Variants in SERTAD1 observed in about 807,000 individuals in gnomAD.
SERTAD1 encodes the protein SERTA domain-containing protein 1.
A neutral mutation model predicts 11.7 loss-of-function variants in SERTAD1; 5 were observed. The observed-to-expected ratio is 0.43, with a 90% confidence interval of 0.22 to 0.90. The LOEUF (loss-of-function observed/expected upper bound fraction) is 0.90, where lower values mean the gene tolerates loss of function less well. Ranked by LOEUF, SERTAD1 falls within the 40% of genes least tolerant of loss-of-function variation. The pLI, the probability that SERTAD1 is intolerant of heterozygous loss-of-function variation, is 0.27. For synonymous variants in SERTAD1, 139 were observed against 141.4 expected (o/e 0.98, Z 0.12); for missense variants, 287 against 313.9 (o/e 0.91, Z 0.65).
rs1388033085 is a variant in SERTAD1 at position 40,421,936 on chromosome 19, CA to C, written c.*899del. On this transcript the variant is annotated 3_prime_UTR_variant, in exon 2 of 2. Transcript: ENST00000357949. ...GGCTGAGGCAGGCAGATCACGAGGT[CA>C]GAAGATGAAGACCATCCTGGCTAAC... 1.3e-5 allele frequency: 2 copies of C among 151,698 alleles called. No homozygotes were observed. Among genetic ancestry groups the C allele is most frequent in the African/African-American group, 4.8e-5 (2 of 41,276 alleles). 9.4% of individuals were successfully genotyped at this position (151,698 alleles called of 1,614,324 possible).
At chr19:40,424,018 G>A (rs866012663) in intron 1 of SERTAD1, among the ~76,000 whole-genome samples, 5 of 151,952 alleles carry the variant, frequency 3.3e-5, no homozygotes, top group Admixed American at 6.6e-5. Flanking sequence ...GTGAGCCACC[G>A]CGCCTGGCCT....
In SERTAD1 at chr19:40,422,191, G is replaced by A. The variant is rs547041264; in HGVS notation, c.*645C>T. 6.6e-6 allele frequency: 1 copy of A among 151,130 alleles called. No individual in the cohort carries two copies. The highest frequency in any genetic ancestry group is 1.5e-5 in the Non-Finnish European group (1 of 67,852). The allele number at this position is 151,130 out of a possible 1,614,324, so 9.4% of individuals were successfully genotyped here. A position where few individuals can be genotyped will look rare whatever the true frequency, so the allele number is the denominator to read the frequency against. Reference sequence around the variant, plus strand: ...GGATCGCTTGAGCCCAGGAGTTTGAGGCTGTAGTGAGCCATGATCAGACCA... The same window carrying A: ...GGATCGCTTGAGCCCAGGAGTTTGAAGCTGTAGTGAGCCATGATCAGACCA... On this transcript the variant is annotated 3_prime_UTR_variant, in exon 2 of 2. Coordinates refer to ENST00000357949, the MANE Select transcript of SERTAD1 (RefSeq NM_013376.4).
intron 1 of SERTAD1, among the ~76,000 whole-genome samples, chr19:40,424,406 G>A (rs2079609289): frequency 6.6e-6 from 1 of 151,898 alleles, no homozygotes; most frequent in Non-Finnish European, 1.5e-5. Context: ...TACAAAAGCA[G>A]CTGTTTCACA....
Position 40,422,913 on chromosome 19 carries a change from C to T in SERTAD1, c.634G>A (p.Glu212Lys), listed in dbSNP as rs538736763. The part of the protein sequence containing the change: ...PGKEEAPELD[E>K]AELDYLMDVL... ...TCCATGAGGTAGTCCAATTCGGCCT[C>T]GTCCAGCTCCGGAGCTTCCTCCTTG... Residue 212 changes from glutamate to lysine, a missense_variant, in exon 2 of 2, where the codon GAG (glutamate) becomes AAG (lysine). Physicochemically the swap from Glu to Lys is moderately conservative, Grantham distance 56 (BLOSUM62 1). Coordinates refer to ENST00000357949, the MANE Select transcript of SERTAD1 (RefSeq NM_013376.4). 13 of 1,613,004 alleles carry T rather than the reference C, an allele frequency of 8.1e-6. No individual in the cohort carries two copies. Among genetic ancestry groups the T allele is most frequent in the African/African-American group, 2.7e-5 (2 of 75,054 alleles).
chr19:40,425,843 T>A (rs1568725115), intron 1 of SERTAD1, 24 bp downstream of exon 1: 1 of 152,090 alleles, frequency 6.6e-6, no homozygotes, highest in Non-Finnish European at 1.5e-5. Context: ...GCCCTTCTGT[T>A]CCCAGGCCCC....
chr19:40,424,375 C>T (rs1183518582), intron 1 of SERTAD1, among the ~76,000 whole-genome samples: 1 of 151,834 alleles, frequency 6.6e-6, no homozygotes, highest in South Asian at 2.1e-4. Context: ...TGTGGAATGG[C>T]CAATATTCAA....
At position 40,425,961 on chromosome 19, in the gene SERTAD1, A is replaced by G. The variant is rs4150987; in HGVS notation, c.-95T>C. On this transcript the variant is annotated 5_prime_UTR_variant, in exon 1 of 2. Transcript: ENST00000357949. ...GCATCGCTTGTTGGCTGTCCTCCGG[A>G]AACCCGCGCCTGGGTCGCGAGACGC... 9,427 of 152,308 alleles carry G rather than the reference A, an allele frequency of 0.062. 418 individuals are homozygous for G. The highest frequency in any genetic ancestry group is 0.15 in the Admixed American group (2,322 of 15,296). The allele number at this position is 152,308 out of a possible 1,614,324, so 9.4% of individuals were successfully genotyped here. A position where few individuals can be genotyped will look rare whatever the true frequency, so the allele number is the denominator to read the frequency against.
In SERTAD1 at chr19:40,423,387, G is replaced by A; in HGVS notation, c.160C>T (p.His54Tyr). ...SLFDLSVLKL[H>Y]HSLQQSEPDL... ...GGCTCACTCTGCTGCAGGCTGTGGTGGAGCTTGAGCACTGAGAGGTCAAAG... is the reference window on the plus strand; with the variant it reads ...GGCTCACTCTGCTGCAGGCTGTGGTAGAGCTTGAGCACTGAGAGGTCAAAG... Residue 54 changes from histidine to tyrosine, a missense_variant, in exon 2 of 2, where the codon CAC (histidine) becomes TAC (tyrosine). Physicochemically the swap from His to Tyr is moderately conservative, Grantham distance 83. Coordinates refer to ENST00000357949, the MANE Select transcript of SERTAD1 (RefSeq NM_013376.4). The A allele has an allele frequency of 1.9e-6, 3 of 1,613,432 alleles. No individual in the cohort carries two copies. Among genetic ancestry groups the A allele is most frequent in the Non-Finnish European group, 2.5e-6 (3 of 1,180,028 alleles).
At position 40,423,028 on chromosome 19, in the gene SERTAD1, C is replaced by G. The variant is rs376727978; in HGVS notation, c.519G>C (p.Leu173=). The G allele has an allele frequency of 6.3e-7, 1 of 1,575,284 alleles. No homozygotes were observed. The change falls in exon 2 of 2, where the codon CTG becomes CTC. Residue 173 remains leucine (L), a synonymous_variant. Transcript: ENST00000357949. ...GCLLDDGLEG[L]FEDIDTSMYD... ...ACATAGAGGTGTCAATATCCTCAAA[C>G]AGGCCCTCAAGCCCATCGTCCAGTA...
At chr19:40,425,447 T>C (rs982027419) in intron 1 of SERTAD1, among the ~76,000 whole-genome samples, 2 of 151,950 alleles carry the variant, frequency 1.3e-5, no homozygotes, top group Admixed American at 6.5e-5. Context: ...CCCCTAGCGG[T>C]GCCCAGGCCG....
At chr19:40,425,166 G>C (rs1431871304) in intron 1 of SERTAD1, among the ~76,000 whole-genome samples, 8 of 152,102 alleles carry the variant, frequency 5.3e-5, no homozygotes, top group Admixed American at 3.3e-4. Context: ...AATCGTGATC[G>C]GCACCGGGTT....
At position 40,425,968 on chromosome 19, in the gene SERTAD1, C is replaced by G. The variant is rs2079615844; in HGVS notation, c.-102G>C. ...TTGTTGGCTGTCCTCCGGAAACCCG[C>G]GCCTGGGTCGCGAGACGCAGTTCTG... On this transcript the variant is annotated 5_prime_UTR_variant, in exon 1 of 2. Transcript: ENST00000357949. The G allele has an allele frequency of 6.6e-6, 1 of 152,286 alleles. No homozygotes were observed. Among genetic ancestry groups the G allele is most frequent in the African/African-American group, 2.4e-5 (1 of 41,468 alleles). 9.4% of individuals were successfully genotyped at this position (152,286 alleles called of 1,614,324 possible). A position where few individuals can be genotyped will look rare whatever the true frequency, so the allele number is the denominator to read the frequency against.
Position 40,422,464 on chromosome 19 carries a change from G to A in SERTAD1, c.*372C>T, listed in dbSNP as rs1229762310. On this transcript the variant is annotated 3_prime_UTR_variant, in exon 2 of 2. Coordinates refer to ENST00000357949, the MANE Select transcript of SERTAD1 (RefSeq NM_013376.4). ...ATAAAATGTTTGATGTTTTTATCTC[G>A]CCTTCACATTTGCCCAGAGACAAAG... 1.7e-5 allele frequency: 4 copies of A among 231,876 alleles called. No individual in the cohort carries two copies. Among genetic ancestry groups the A allele is most frequent in the South Asian group, 1.2e-4 (1 of 8,472 alleles). The allele number at this position is 231,876 out of a possible 1,614,324, so 14.4% of individuals were successfully genotyped here.
At position 40,423,205 on chromosome 19, in the gene SERTAD1, G is replaced by T; in HGVS notation, c.342C>A (p.Ser114=). 1 of 1,601,252 alleles carries T rather than the reference G, an allele frequency of 6.2e-7. No individual in the cohort carries two copies. The highest frequency in any genetic ancestry group is 2.3e-5 in the East Asian group (1 of 44,394). ...LASSDAALSA[S]MASLLEDLSH... ...TGAGGTCCTCCAGGAGGCTGGCCAT[G>T]GAGGCTGAAAGGGCAGCGTCCGAGC... Residue 114 remains serine, a synonymous_variant, in exon 2 of 2, where the codon TCC becomes TCA. Transcript: ENST00000357949.
chr19:40,423,772 G>A (rs1342360517), intron 1 of SERTAD1, among the ~76,000 whole-genome samples: 2 of 152,110 alleles, frequency 1.3e-5, no homozygotes, highest in African/African-American at 4.8e-5. Context: ...TGTTGCCCAG[G>A]CTGGAGTGTA....
Position 40,422,614 on chromosome 19 carries a change from C to T in SERTAD1, c.*222G>A. The T allele has an allele frequency of 1.8e-6, 1 of 560,542 alleles. No individual in the cohort carries two copies. 34.7% of individuals were successfully genotyped at this position (560,542 alleles called of 1,614,324 possible). A position where few individuals can be genotyped will look rare whatever the true frequency, so the allele number is the denominator to read the frequency against. On this transcript the variant is annotated 3_prime_UTR_variant, in exon 2 of 2. Transcript: ENST00000357949. ...CCAGGGCCAGGGAATTCAGTCCCCA[C>T]CAGACCCTGTCATTCCATCACTAGG...
Position 40,422,970 on chromosome 19 carries a change from C to T in SERTAD1, c.577G>A (p.Gly193Ser). The T allele has an allele frequency of 1.2e-6, 2 of 1,601,822 alleles. No homozygotes were observed. Among genetic ancestry groups the T allele is most frequent in the African/African-American group, 1.3e-5 (1 of 74,774 alleles). ...DNELWAPASE[G>S]LKPGPEDGPG... is the part of the protein sequence containing the mutation. ...CCATCCTCAGGGCCTGGTTTGAGGC[C>T]CTCAGAGGCTGGTGCCCAAAGTTCA... The change falls in exon 2 of 2, where the codon GGC becomes AGC. Residue 193 changes from glycine (G) to serine (S), a missense_variant. Physicochemically the swap from Gly to Ser is moderately conservative, Grantham distance 56. Transcript: ENST00000357949.
In SERTAD1 at chr19:40,423,312, C is replaced by T; in HGVS notation, c.235G>A (p.Ala79Thr). 1 of 1,609,926 alleles carries T rather than the reference C, an allele frequency of 6.2e-7. No homozygotes were observed. The highest frequency in any genetic ancestry group is 1.1e-5 in the South Asian group (1 of 90,746). ...LVVNTLRRIQASMAPAAALPP... is the reference protein window; with the variant it reads ...LVVNTLRRIQTSMAPAAALPP... Reference sequence around the variant, plus strand: ...AGGGCAGCCGCGGGTGCCATGGACGCCTGGATGCGCCGCAGAGTGTTCACG... The same window carrying T: ...AGGGCAGCCGCGGGTGCCATGGACGTCTGGATGCGCCGCAGAGTGTTCACG... Residue 79 changes from alanine (A) to threonine (T), a missense_variant, in exon 2 of 2, where the codon GCG becomes ACG. Physicochemically the swap from Ala to Thr is moderately conservative, Grantham distance 58. Coordinates refer to ENST00000357949, the MANE Select transcript of SERTAD1 (RefSeq NM_013376.4).
At position 40,423,454 on chromosome 19, in the gene SERTAD1, T is replaced by G. The variant is rs761387596; in HGVS notation, c.93A>C (p.Thr31=). ...CGGCCGGGGGTGCCTGTGCCACCGC[T>G]GTGTGGCCAGGATCTAGCCACCAGG... ...VDSWWLDPGH[T]AVAQAPPAVA... is the part of the protein sequence containing the mutation. The change falls in exon 2 of 2, where the codon ACA becomes ACC. Residue 31 remains threonine, a synonymous_variant. Coordinates refer to ENST00000357949, the MANE Select transcript of SERTAD1 (RefSeq NM_013376.4). The G allele has an allele frequency of 1.2e-6, 2 of 1,613,168 alleles. No individual in the cohort carries two copies. Among genetic ancestry groups the G allele is most frequent in the Non-Finnish European group, 1.7e-6 (2 of 1,180,028 alleles).
Sources: allele counts gnomAD v4.1 joint callset (sites outside exome capture counted in the v4.1 genomes callset), GRCh38; gene constraint gnomAD v4.1.1; transcripts MANE v1.5; gene names NCBI Gene and HGNC (gene_info 2026-07-23, HGNC 2026-07-21).